Variants in TEP1 observed in about 807,000 individuals in gnomAD.
TEP1 encodes the protein telomerase associated protein 1.
In TEP1, 241 loss-of-function variants were observed where a neutral mutation model predicts 306.3. That is an observed-to-expected ratio of 0.79 (90% CI 0.71 to 0.88). TEP1 has a LOEUF of 0.88. Among genes scored for constraint, TEP1 ranks in the 40% least tolerant of loss-of-function variants. The probability of loss-of-function intolerance (pLI) is 0.00; values close to 1 mark genes in which losing one functional copy is unlikely to be tolerated. For missense variants in TEP1, 3,051 were observed against 3,276.1 expected, an observed-to-expected ratio of 0.93 and a Z score of 1.68; for synonymous variants, 1,289 against 1,305.5, an observed-to-expected ratio of 0.99 and a Z score of 0.27.
At position 20,389,645 on chromosome 14, in the gene TEP1, G is replaced by A. The variant is rs376749495; in HGVS notation, c.2430C>T (p.Leu810=). The A allele has an allele frequency of 1.7e-5, 27 of 1,614,226 alleles. No individual in the cohort carries two copies. The highest frequency in any genetic ancestry group is 1.1e-4 in the African/African-American group (8 of 75,056). The change falls in exon 16 of 55, where the codon CTC becomes CTT. Residue 810 remains leucine, a synonymous_variant. Coordinates refer to ENST00000262715, the MANE Select transcript of TEP1 (RefSeq NM_007110.5). ...LYWQRVNSKC[L]FVGILLRRVQ... The stretch of plus-strand genomic sequence containing the variant: ...CCCTTCTTAGGAGGATACCAACAAA[G>A]AGGCACTTGGAATTCACACGCTGCC...
Position 20,380,925 on chromosome 14 carries a change from T to C in TEP1, c.4762+6A>G. On this transcript the variant is annotated splice_donor_region_variant and intron_variant, in intron 33 of 54. Coordinates refer to ENST00000262715, the MANE Select transcript of TEP1 (RefSeq NM_007110.5). ...AGAGAAGAACCCAGCCAGTGACTCA[T>C]CTCACCATAGAGGGCATGGGCCTCC... The C allele has an allele frequency of 1.2e-6, 2 of 1,612,664 alleles. No individual in the cohort carries two copies. The highest frequency in any genetic ancestry group is 8.5e-7 in the Non-Finnish European group (1 of 1,178,800).
At chr14:20,375,436 G>A (rs533513159) in intron 43 of TEP1, among the ~76,000 whole-genome samples, 3 of 152,268 alleles carry the variant, frequency 2.0e-5, no homozygotes, top group Admixed American at 6.5e-5. Flanking sequence ...TTACAGGTGT[G>A]AGCCACCGTG....
chr14:20,394,565 C>T (rs1171852971), intron 12 of TEP1, among the ~76,000 whole-genome samples: 4 of 151,380 alleles, frequency 2.6e-5, no homozygotes, highest in African/African-American at 7.3e-5. Flanking sequence ...CAGCAACCTC[C>T]GCCTCCCGGG....
chr14:20,412,400 C>G (rs958826964), intron 1 of TEP1, among the ~76,000 whole-genome samples: 4 of 152,242 alleles, frequency 2.6e-5, no homozygotes, highest in African/African-American at 9.6e-5. Context: ...GTTTTGCACC[C>G]TGGAGTTTTT....
chr14:20,388,250 T>C (rs1877376542), intron 17 of TEP1, among the ~76,000 whole-genome samples, 187 bp from the exon 18 acceptor site: 3 of 152,088 alleles, frequency 2.0e-5, no homozygotes, highest in Non-Finnish European at 4.4e-5. Context: ...ACCACAGGAA[T>C]GAAGGAAAAG....
chr14:20,382,364 G>A lies in TEP1; in HGVS notation c.4141-8C>T. On this transcript the variant is annotated splice_polypyrimidine_tract_variant and splice_region_variant and intron_variant, in intron 28 of 54. Transcript: ENST00000262715. ...CCGGAGTCTCTCAGACACCTAGGATGGCGGGAGGACAGCCTTGTTCAGTGC... is the reference window on the plus strand; with the variant it reads ...CCGGAGTCTCTCAGACACCTAGGATAGCGGGAGGACAGCCTTGTTCAGTGC... 1 of 1,602,802 alleles carries A rather than the reference G, an allele frequency of 6.2e-7. No individual in the cohort carries two copies. The highest frequency in any genetic ancestry group is 1.3e-5 in the African/African-American group (1 of 74,960).
chr14:20,375,944 A>T, intron 42 of TEP1, 76 bp from the exon 43 acceptor site: 1 of 1,502,660 alleles, frequency 6.7e-7, no homozygotes, highest in Non-Finnish European at 9.2e-7. Context: ...TCAGGCAAGA[A>T]ATTTCAAGGA....
chr14:20,383,022 A>G, intron 27 of TEP1, 152 bp downstream of exon 27: 1 of 958,564 alleles, frequency 1.0e-6, no homozygotes, highest in Non-Finnish European at 1.5e-6. Flanking sequence ...ATCAGGAATC[A>G]CAATTTTCTT....
At chr14:20,370,118 G>T (rs985753699) in intron 51 of TEP1, among the ~76,000 whole-genome samples, 2 of 152,226 alleles carry the variant, frequency 1.3e-5, no homozygotes, top group African/African-American at 2.4e-5. Flanking sequence ...TTCACCATGT[G>T]GGCCAGGCTG....
At chr14:20,369,302 C>T in intron 53 of TEP1, 42 bp downstream of exon 53, 1 of 1,607,112 alleles carries the variant, frequency 6.2e-7, no homozygotes, top group Non-Finnish European at 8.5e-7. Context: ...GCCACTGCTC[C>T]CAGCCCTCCC....
At chr14:20,369,309 T>C (rs895664153) in intron 53 of TEP1, 35 bp downstream of exon 53, 1 of 1,609,200 alleles carries the variant, frequency 6.2e-7, no homozygotes, top group African/African-American at 1.3e-5. Context: ...CTCCCAGCCC[T>C]CCCCTAGTAT....
At position 20,368,606 on chromosome 14, in the gene TEP1, T is replaced by TA. The variant is rs753322277; in HGVS notation, c.7762-48dup. ...GGGAGGTCAGGGCTACAAGCCTCCT[T>TA]ACTAACTTATTTTTTCTCACATTAA... On this transcript the variant is annotated intron_variant, in intron 54 of 54. Coordinates refer to ENST00000262715, the MANE Select transcript of TEP1 (RefSeq NM_007110.5). 3.7e-6 allele frequency: 6 copies of TA among 1,607,168 alleles called. No individual in the cohort carries two copies. In the African/African-American group the frequency reaches 8.0e-5, roughly 21 times the overall value.
rs142239675 is a variant in TEP1 at position 20,387,807 on chromosome 14, C to T, written c.2684+98G>A. The T allele has an allele frequency of 3.0e-4, 431 of 1,430,928 alleles. 2 individuals carry two copies. The African/African-American group carries it at 4.5e-3, about 15-fold the overall frequency. The allele number at this position is 1,430,928 out of a possible 1,614,324, so 88.6% of individuals were successfully genotyped here. ...AGGAAGCATGCCTTCATGAAGAGAACAAGCGGCACCTCACCAGCTAGAATT... is the reference window on the plus strand; with the variant it reads ...AGGAAGCATGCCTTCATGAAGAGAATAAGCGGCACCTCACCAGCTAGAATT... On this transcript the variant is annotated intron_variant, in intron 18 of 54. Transcript: ENST00000262715.
chr14:20,371,330 G>C lies in TEP1; in HGVS notation c.7221-16C>G. ...ATAGCTGCTCCTGGTTTGTGAGAAAGGAATAGGTTGAGCTCAGGATTTAAA... is the reference window on the plus strand; with the variant it reads ...ATAGCTGCTCCTGGTTTGTGAGAAACGAATAGGTTGAGCTCAGGATTTAAA... On this transcript the variant is annotated splice_polypyrimidine_tract_variant and intron_variant, in intron 50 of 54. Coordinates refer to ENST00000262715, the MANE Select transcript of TEP1 (RefSeq NM_007110.5). 6.2e-7 allele frequency: 1 copy of C among 1,611,114 alleles called. No individual in the cohort carries two copies. Among genetic ancestry groups the C allele is most frequent in the African/African-American group, 1.3e-5 (1 of 74,952 alleles).
chr14:20,408,967 G>A (rs1209975692), intron 1 of TEP1, among the ~76,000 whole-genome samples: 4 of 151,968 alleles, frequency 2.6e-5, no homozygotes, highest in Middle Eastern at 3.2e-3. Context: ...GAGAGGCCTC[G>A]CAATATAATC....
At chr14:20,376,876 C>T (rs770979131) in intron 41 of TEP1, among the ~76,000 whole-genome samples, 19 of 152,310 alleles carry the variant, frequency 1.2e-4, no homozygotes, top group Middle Eastern at 3.4e-3. Flanking sequence ...TTTTCATACA[C>T]ATATACATAC....
Position 20,379,001 on chromosome 14 carries a change from C to T in TEP1, c.5232G>A (p.Trp1744Ter). 6.2e-7 allele frequency: 1 copy of T among 1,614,226 alleles called. No homozygotes were observed. The highest frequency in any genetic ancestry group is 2.2e-5 in the East Asian group (1 of 44,892). Reference sequence around the variant, plus strand: ...CTTACCGACAACCATGCTGCAGGTCCCAGAGCTCCAGGAGCCCGTCGAAGG... The same window carrying T: ...CTTACCGACAACCATGCTGCAGGTCTCAGAGCTCCAGGAGCCCGTCGAAGG... ...LTAFDGLLEL[W>*]DLQHGCRVLQ... The change falls in exon 36 of 55, where the codon TGG (tryptophan) becomes TGA (stop). Residue 1744 changes from tryptophan to a stop codon, truncating the protein, a stop_gained. Coordinates refer to ENST00000262715, the MANE Select transcript of TEP1 (RefSeq NM_007110.5). LOFTEE classifies it high-confidence loss of function.
rs1312825497 is a variant in TEP1 at position 20,375,170 on chromosome 14, AT to A, written c.6363+584del. 3.3e-5 allele frequency among the ~76,000 whole-genome samples: 5 copies of A among 150,604 alleles called. No individual in the cohort carries two copies. The East Asian group carries it at 9.9e-4, about 30-fold the overall frequency. ...ATAATAAATGGTAGCTATTGTCCAT[AT>A]TATTATTGTTATTATTTTGAGATGG... On this transcript the variant is annotated intron_variant, in intron 43 of 54. Transcript: ENST00000262715.
chr14:20,400,430 A>T (rs1261969384), intron 9 of TEP1, among the ~76,000 whole-genome samples: 4 of 151,072 alleles, frequency 2.6e-5, no homozygotes, highest in Admixed American at 6.6e-5. Flanking sequence ...CTAAAATTTA[A>T]AAAGAAAAGT....
Sources: allele counts gnomAD v4.1 joint callset (sites outside exome capture counted in the v4.1 genomes callset), GRCh38; gene constraint gnomAD v4.1.1; transcripts MANE v1.5; gene names NCBI Gene and HGNC (gene_info 2026-07-23, HGNC 2026-07-21).